Variants in KIF1B observed in about 807,000 individuals in gnomAD.
KIF1B encodes kinesin family member 1B, also known as kinesin-like protein KIF1B.
A neutral mutation model predicts 241.9 loss-of-function variants in KIF1B; 76 were observed. That is an observed-to-expected ratio of 0.31 (90% confidence interval 0.26 to 0.38). The LOEUF is 0.38. Among genes scored for constraint, KIF1B ranks in the 10% least tolerant of loss-of-function variants. The probability of loss-of-function intolerance (pLI) is 1.00; values close to 1 mark genes in which losing one functional copy is unlikely to be tolerated. For missense variants in KIF1B, 1,622 were observed against 2,271.4 expected (o/e 0.71, Z 5.81); for synonymous variants, 750 against 796.7 (o/e 0.94, Z 0.99).
rs550282824 is a variant in KIF1B at position 10,267,254 on chromosome 1, G to A, written c.430-126G>A. 1,386 of 736,588 alleles carry A rather than the reference G, an allele frequency of 1.9e-3. 5 individuals are homozygous for A. The highest frequency in any genetic ancestry group is 2.9e-3 in the Non-Finnish European group (1,184 of 413,084). The allele number at this position is 736,588 out of a possible 1,614,324, so 45.6% of individuals were successfully genotyped here. On this transcript the variant is annotated intron_variant, in intron 5 of 48. Coordinates refer to ENST00000676179, the MANE Select transcript of KIF1B (RefSeq NM_001365951.3). ...GACTGGTCTCGAACTCGTAGTTCGA[G>A]TGATCTCAAGTGATCCGCCCTCCTT...
chr1:10,327,227 G>A (rs1293592036), intron 27 of KIF1B, among the ~76,000 whole-genome samples: 1 of 151,964 alleles, frequency 6.6e-6, no homozygotes, highest in Non-Finnish European at 1.5e-5. Flanking sequence ...TAGGCTGGGT[G>A]TGGTGGCTCA....
chr1:10,350,405 A>G (rs1201458884), intron 37 of KIF1B, among the ~76,000 whole-genome samples: 3 of 148,298 alleles, frequency 2.0e-5, no homozygotes, highest in African/African-American at 5.0e-5. Context: ...TAAAAATACA[A>G]AAAAATTAGC....
intron 10 of KIF1B, among the ~76,000 whole-genome samples, chr1:10,273,724 A>AAAAC (rs1321807152): frequency 3.7e-4 from 53 of 141,848 alleles, no homozygotes; most frequent in African/African-American, 1.3e-3. Flanking sequence ...AAAAAAAAAA[A>AAAAC]AAAAAAAAAA....
chr1:10,332,501 ATTTTTTTTTTTTT>A (rs568393252), intron 27 of KIF1B, among the ~76,000 whole-genome samples: 48 of 58,684 alleles, frequency 8.2e-4, no homozygotes, highest in African/African-American at 2.6e-3. Context: ...GATAATAGTC[ATTTTTTTTTTTTT>A]TTTTTTTTTT....
intron 37 of KIF1B, among the ~76,000 whole-genome samples, chr1:10,349,959 T>C (rs576779492): frequency 8.5e-5 from 13 of 152,364 alleles, no homozygotes; most frequent in African/African-American, 3.1e-4. Flanking sequence ...TTAGCAGTTA[T>C]TCTAATTACC....
chr1:10,332,723 G>T (rs1651999823), intron 27 of KIF1B, among the ~76,000 whole-genome samples: 1 of 150,978 alleles, frequency 6.6e-6, no homozygotes, highest in South Asian at 2.1e-4. Flanking sequence ...CACCGTGTTA[G>T]CCAGGATGGT....
intron 15 of KIF1B, among the ~76,000 whole-genome samples, chr1:10,285,496 C>T (rs1387252682): frequency 1.3e-5 from 2 of 152,192 alleles, no homozygotes; most frequent in Non-Finnish European, 2.9e-5. Context: ...CCCACTAAAG[C>T]AAGACAAAAC....
rs139572764 is a variant in KIF1B, at chr1:10,324,771, T to A, written c.2551T>A (p.Leu851Met). Residue 851 changes from leucine to methionine, a missense_variant, in exon 26 of 49, where the codon TTG (leucine) becomes ATG (methionine). Physicochemically the swap from Leu to Met is conservative, Grantham distance 15. Transcript: ENST00000676179. ...TTTACTAAATAGGCAGAGGCTGGAT[T>A]TGATGCGAGAGATGTATGATAGGGC... is the stretch of plus-strand genomic sequence containing the variant. ...SLEKLKQRLDLMREMYDRAGE... is the reference protein window; with the variant it reads ...SLEKLKQRLDMMREMYDRAGE... 7.9e-5 allele frequency: 127 copies of A among 1,614,118 alleles called. No individual in the cohort carries two copies. In the African/African-American group the frequency reaches 1.7e-3, roughly 21 times the overall value.
chr1:10,237,848 A>G (rs535446407), intron 2 of KIF1B, among the ~76,000 whole-genome samples: 1 of 151,698 alleles, frequency 6.6e-6, no homozygotes. Flanking sequence ...CTCTACAAAA[A>G]ATACAAAAAA....
chr1:10,305,342 CTA>C, intron 22 of KIF1B: 1 of 1,049,494 alleles, frequency 9.5e-7, no homozygotes, highest in Non-Finnish European at 1.2e-6. Context: ...ATATCAGAAT[CTA>C]TAAATTGGCA....
chr1:10,259,684 G>T (rs562158920), intron 4 of KIF1B, among the ~76,000 whole-genome samples: 5 of 152,014 alleles, frequency 3.3e-5, no homozygotes, highest in Admixed American at 3.3e-4. Context: ...TGTATTTTTA[G>T]TAGAGGCGGG....
At position 10,374,505 on chromosome 1, in the gene KIF1B, C is replaced by T. The variant is rs1404352416; in HGVS notation, c.5096+40C>T. 1.2e-6 allele frequency: 2 copies of T among 1,606,360 alleles called. No homozygotes were observed. The highest frequency in any genetic ancestry group is 8.5e-7 in the Non-Finnish European group (1 of 1,173,288). ...GAGCAGGAATGCCAGCTATAAAAAA[C>T]AAATCCACAGGAAGAAGTGACTGGC... On this transcript the variant is annotated intron_variant, in intron 46 of 48. Coordinates refer to ENST00000676179, the MANE Select transcript of KIF1B (RefSeq NM_001365951.3). The surrounding 1 kb of genome is among the most constrained non-coding windows in gnomAD (Gnocchi z 4.3).
intron 1 of KIF1B, among the ~76,000 whole-genome samples, chr1:10,212,295 G>A (rs542448860): frequency 6.6e-6 from 1 of 152,332 alleles, no homozygotes; most frequent in Non-Finnish European, 1.5e-5. Flanking sequence ...TAAGAAGTGA[G>A]GTGGTGCTTT....
chr1:10,252,868 C>T (rs372066868), intron 2 of KIF1B, among the ~76,000 whole-genome samples: 12 of 151,956 alleles, frequency 7.9e-5, no homozygotes, highest in East Asian at 7.7e-4. Context: ...GGATTACAGG[C>T]GTGCCCCACC....
At chr1:10,347,145 A>G (rs1395584223) in intron 35 of KIF1B, among the ~76,000 whole-genome samples, 1 of 152,250 alleles carries the variant, frequency 6.6e-6, no homozygotes, top group African/African-American at 2.4e-5. Context: ...TACTCTTAGG[A>G]CAGAGGCAAG....
chr1:10,244,841 T>A (rs1647186780), intron 2 of KIF1B, among the ~76,000 whole-genome samples: 1 of 137,340 alleles, frequency 7.3e-6, no homozygotes. Context: ...CTCAATCTCC[T>A]GACTTCGTGA....
At chr1:10,274,157 C>T (rs930049140) in intron 10 of KIF1B, among the ~76,000 whole-genome samples, 2 of 151,382 alleles carry the variant, frequency 1.3e-5, no homozygotes, top group African/African-American at 4.9e-5. Context: ...AGGCTGGTCT[C>T]GAACTCCTGA....
intron 1 of KIF1B, among the ~76,000 whole-genome samples, chr1:10,226,320 A>T (rs1185002429): frequency 6.6e-6 from 1 of 152,212 alleles, no homozygotes; most frequent in Non-Finnish European, 1.5e-5. Flanking sequence ...TGCTGGAAGG[A>T]TAGCTAGGTA....
chr1:10,321,593 G>A, intron 23 of KIF1B, 116 bp from the exon 24 acceptor site: 1 of 1,087,386 alleles, frequency 9.2e-7, no homozygotes, highest in Non-Finnish European at 1.4e-6. Flanking sequence ...AAAAGCAGCT[G>A]AATGGAGAGA....
Sources: allele counts gnomAD v4.1 joint callset (sites outside exome capture counted in the v4.1 genomes callset), GRCh38; gene constraint gnomAD v4.1.1; non-coding constraint Gnocchi (gnomAD v3.1); transcripts MANE v1.5; gene names NCBI Gene and HGNC (gene_info 2026-07-23, HGNC 2026-07-21).